The following PIP5K1B variants were observed in gnomAD, a reference collection of about 807,000 sequenced individuals.
The protein encoded by PIP5K1B is phosphatidylinositol 4-phosphate 5-kinase type-1 beta.
Under a neutral mutation model 67.0 loss-of-function variants are expected in PIP5K1B, and 42 were observed. The observed-to-expected ratio is 0.63, with a 90% CI of 0.49 to 0.81. The LOEUF (loss-of-function observed/expected upper bound fraction) is 0.81. Ranked by LOEUF, PIP5K1B falls within the 30% of genes least tolerant of loss-of-function variation. The pLI is 0.00. For synonymous variants in PIP5K1B, 214 were observed against 231.4 expected, an observed-to-expected ratio of 0.92 and a Z score of 0.68; for missense variants, 459 against 646.3, an observed-to-expected ratio of 0.71 and a Z score of 3.14.
At chr9:68,721,767 C>A (rs1827896048) in intron 1 of PIP5K1B, among the ~76,000 whole-genome samples, 1 of 152,064 alleles carries the variant, frequency 6.6e-6, no homozygotes, top group African/African-American at 2.4e-5. Flanking sequence ...GATGAAGACA[C>A]AGTATTATGA....
chr9:68,711,167 G>A (rs1827373621), intron 1 of PIP5K1B, among the ~76,000 whole-genome samples: 1 of 152,234 alleles, frequency 6.6e-6, no homozygotes, highest in Non-Finnish European at 1.5e-5. Flanking sequence ...ATTAGAGCGA[G>A]CCATAAAAAT....
intron 14 of PIP5K1B, among the ~76,000 whole-genome samples, chr9:68,949,717 ATG>A (rs1827965717): frequency 6.6e-6 from 1 of 152,232 alleles, no homozygotes; most frequent in South Asian, 2.1e-4. Context: ...AGTGAACAAT[ATG>A]TGAATCGGGC....
chr9:68,761,186 G>C (rs1830166674), intron 2 of PIP5K1B, among the ~76,000 whole-genome samples: 1 of 152,022 alleles, frequency 6.6e-6, no homozygotes. Flanking sequence ...GTTCCTCTCT[G>C]AGGTCTCTCT....
chr9:68,979,133 A>G (rs1006227423), intron 14 of PIP5K1B, among the ~76,000 whole-genome samples: 6 of 152,182 alleles, frequency 3.9e-5, no homozygotes, highest in East Asian at 1.9e-4. Flanking sequence ...GCTGGGGATA[A>G]CTTAGAAACA....
chr9:68,779,292 C>T (rs1347044934), intron 2 of PIP5K1B, among the ~76,000 whole-genome samples: 1 of 152,168 alleles, frequency 6.6e-6, no homozygotes, highest in Non-Finnish European at 1.5e-5. Flanking sequence ...TATGCTTGTG[C>T]TGGAACTATG....
In PIP5K1B at chr9:68,846,002, G is replaced by T. The variant is rs1157268091; in HGVS notation, c.70-17835G>T. ...TATCTTTCATATGTACAATCCATCT[G>T]AATTTAAGTTTCCTCATCTGTGGGG... is the stretch of plus-strand genomic sequence containing the variant. On this transcript the variant is annotated intron_variant, in intron 4 of 15. Coordinates refer to ENST00000265382, the MANE Select transcript of PIP5K1B (RefSeq NM_003558.4). 2.6e-4 allele frequency among the ~76,000 whole-genome samples: 39 copies of T among 152,182 alleles called. 2 individuals carry two copies. The highest frequency in any genetic ancestry group is 2.6e-3 in the Admixed American group (39 of 15,282).
At chr9:68,900,463 GATT>G (rs1490037014) in intron 8 of PIP5K1B, among the ~76,000 whole-genome samples, 1 of 152,050 alleles carries the variant, frequency 6.6e-6, no homozygotes, top group Non-Finnish European at 1.5e-5. Context: ...AATTTACCAT[GATT>G]ATTTTTTCTC....
intron 14 of PIP5K1B, among the ~76,000 whole-genome samples, chr9:68,954,913 C>T (rs1828308091): frequency 6.6e-6 from 1 of 152,140 alleles, no homozygotes; most frequent in African/African-American, 2.4e-5. Context: ...AGAGGTGTCT[C>T]CTTGGTGCTC....
At chr9:68,902,130 A>C (rs572191080) in intron 8 of PIP5K1B, among the ~76,000 whole-genome samples, 4 of 152,278 alleles carry the variant, frequency 2.6e-5, no homozygotes, top group Non-Finnish European at 5.9e-5. Context: ...CCAGTTTTAC[A>C]TGCACATGTG....
rs367987325 is a variant in PIP5K1B, at chr9:68,731,650, G to A, written c.-242-10851G>A. On this transcript the variant is annotated intron_variant, in intron 1 of 15. Coordinates refer to ENST00000265382, the MANE Select transcript of PIP5K1B (RefSeq NM_003558.4). ...AGGCAAACACACTCAATTAGGGGAAGATAATGCAATTAAAAGAAAGGTGGT... is the reference window on the plus strand; with the variant it reads ...AGGCAAACACACTCAATTAGGGGAAAATAATGCAATTAAAAGAAAGGTGGT... 4.6e-5 allele frequency among the ~76,000 whole-genome samples: 7 copies of A among 152,306 alleles called. No homozygotes were observed. The East Asian group carries it at 1.3e-3, about 29-fold the overall frequency.
At chr9:68,943,644 GA>G (rs1263315246) in intron 14 of PIP5K1B, among the ~76,000 whole-genome samples, 2 of 150,484 alleles carry the variant, frequency 1.3e-5, no homozygotes, top group Non-Finnish European at 1.5e-5. Context: ...AGCCTGGAAA[GA>G]AAATGCATTG....
chr9:68,718,479 A>G (rs1162981217), intron 1 of PIP5K1B, among the ~76,000 whole-genome samples: 1 of 152,226 alleles, frequency 6.6e-6, no homozygotes, highest in Non-Finnish European at 1.5e-5. Flanking sequence ...TCCTTCAGAC[A>G]TTAAGCCTGC....
At chr9:68,926,388 T>TAAA (rs1224279665) in intron 12 of PIP5K1B, among the ~76,000 whole-genome samples, 9 of 152,192 alleles carry the variant, frequency 5.9e-5, no homozygotes, top group African/African-American at 2.2e-4. Context: ...ACAAGTTGTT[T>TAAA]AACTCACGGG....
intron 4 of PIP5K1B, among the ~76,000 whole-genome samples, chr9:68,825,059 C>T (rs1246534201): frequency 1.3e-5 from 2 of 152,150 alleles, no homozygotes; most frequent in African/African-American, 2.4e-5. Flanking sequence ...ATAATTTGAG[C>T]ATTATTATTA....
At position 68,961,972 on chromosome 9, in the gene PIP5K1B, T is replaced by A. The variant is rs185130955; in HGVS notation, c.1502+21182T>A. Among the ~76,000 whole-genome samples the A allele has an allele frequency of 9.8e-5, 15 of 152,358 alleles. No individual in the cohort carries two copies. In the East Asian group the frequency reaches 2.9e-3, roughly 29 times the overall value. On this transcript the variant is annotated intron_variant, in intron 14 of 15. Transcript: ENST00000265382. ...CCTCCTCTTACCCCGACACATGCTA[T>A]TTCATGGATTCCCAATGCTTCTAAT...
At chr9:68,779,040 C>T (rs1831073211) in intron 2 of PIP5K1B, among the ~76,000 whole-genome samples, 1 of 152,038 alleles carries the variant, frequency 6.6e-6, no homozygotes, top group Non-Finnish European at 1.5e-5. Flanking sequence ...TGAAAATAGC[C>T]TGCGTTTCTC....
intron 8 of PIP5K1B, among the ~76,000 whole-genome samples, chr9:68,895,615 G>A (rs946231774): frequency 7.7e-5 from 10 of 129,754 alleles, no homozygotes; most frequent in African/African-American, 2.6e-4. Flanking sequence ...AGGAACACAG[G>A]TCTACTGTTT....
intron 2 of PIP5K1B, among the ~76,000 whole-genome samples, chr9:68,802,487 G>A (rs1373277741): frequency 6.6e-6 from 1 of 152,104 alleles, no homozygotes; most frequent in Admixed American, 6.5e-5. Context: ...CCCTCAAGGG[G>A]CCAATAGTGT....
At chr9:68,917,348 G>A (rs186856510) in intron 8 of PIP5K1B, among the ~76,000 whole-genome samples, 200 bp from the exon 9 acceptor site, 44 of 152,214 alleles carry the variant, frequency 2.9e-4, no homozygotes, top group Admixed American at 4.6e-4. Context: ...TCCCATCTTG[G>A]AGCCATTGTG....
Sources: gnomAD v4.1 joint callset for allele counts (sites outside exome capture counted in the v4.1 genomes callset) on GRCh38, gnomAD v4.1.1 for gene constraint, MANE v1.5 for transcripts, NCBI Gene and HGNC (gene_info 2026-07-23, HGNC 2026-07-21) for gene names.